Variants in NGF observed in about 807,000 individuals in gnomAD.
NGF encodes the protein beta-nerve growth factor.
Under a neutral mutation model 12.8 loss-of-function variants are expected in NGF, and 4 were observed. The ratio of observed to expected loss-of-function variants is 0.31; its 90% confidence interval spans 0.15 to 0.72. NGF has a LOEUF of 0.72. NGF is among the 30% of genes least tolerant of loss of function. The pLI is 0.69. For synonymous variants in NGF, 140 were observed against 130.0 expected (o/e 1.08, Z -0.52); for missense variants, 283 against 330.8 (o/e 0.86, Z 1.12).
At position 115,286,116 on chromosome 1, in the gene NGF, G is replaced by A. The variant is rs1326012011; in HGVS notation, c.680C>T (p.Thr227Met). The change falls in exon 3 of 3, where the codon ACG becomes ATG. Residue 227 changes from threonine (T) to methionine (M), a missense_variant. Thr to Met is a moderately conservative substitution (Grantham distance 81). Around this residue, in one of 2 missense-constraint regions of NGF, gnomAD observed 132 missense variants for 189.2 expected, o/e 0.70. Coordinates refer to ENST00000369512, the MANE Select transcript of NGF (RefSeq NM_002506.3). ...CCTGCTGAGCACACACACACAGGCC[G>A]TATCTATCCGGATAAACCGCCAGGC... ...QAAWRFIRID[T>M]ACVCVLSRKA... The A allele has an allele frequency of 1.1e-5, 17 of 1,613,424 alleles. No homozygotes were observed. The highest frequency in any genetic ancestry group is 1.4e-5 in the Non-Finnish European group (16 of 1,179,728).
In NGF at chr1:115,286,103, A is replaced by G. The variant is rs1474548348; in HGVS notation, c.693T>C (p.Cys231=). The change falls in exon 3 of 3, where the codon TGT becomes TGC. Residue 231 remains cysteine (C), a synonymous_variant. Coordinates refer to ENST00000369512, the MANE Select transcript of NGF (RefSeq NM_002506.3). ...RFIRIDTACV[C]VLSRKAVRRA ...TTCTCACAGCCTTCCTGCTGAGCAC[A>G]CACACACAGGCCGTATCTATCCGGA... The G allele has an allele frequency of 6.2e-7, 1 of 1,613,786 alleles. No homozygotes were observed. Among genetic ancestry groups the G allele is most frequent in the Non-Finnish European group, 8.5e-7 (1 of 1,179,820 alleles).
chr1:115,334,385 C>T (rs184739076), intron 1 of NGF, among the ~76,000 whole-genome samples: 18 of 152,268 alleles, frequency 1.2e-4, no homozygotes, highest in African/African-American at 4.1e-4. Flanking sequence ...TAACATATGG[C>T]AGAGTAGGAA....
At chr1:115,316,887 A>T (rs1654487866) in intron 1 of NGF, among the ~76,000 whole-genome samples, 1 of 152,204 alleles carries the variant, frequency 6.6e-6, no homozygotes, top group African/African-American at 2.4e-5. Context: ...ATTTTCTCAA[A>T]GAAGTGTGTA....
chr1:115,321,296 A>T lies in NGF; in HGVS notation c.-137+16908T>A, dbSNP rs75398439. Among the ~76,000 whole-genome samples, 46 of 152,302 alleles carry T rather than the reference A, an allele frequency of 3.0e-4. No homozygotes were observed. The East Asian group carries it at 8.9e-3, about 29-fold the overall frequency. On this transcript the variant is annotated intron_variant, in intron 1 of 2. Transcript: ENST00000369512. Reference sequence around the variant, plus strand: ...TCCTGGTATGATGTTGGTGCTTCATAAATAGTTGATGAAAGAATGGAAGGA... The same window carrying T: ...TCCTGGTATGATGTTGGTGCTTCATTAATAGTTGATGAAAGAATGGAAGGA...
intron 1 of NGF, among the ~76,000 whole-genome samples, chr1:115,307,042 G>A (rs1355168452): frequency 5.9e-5 from 9 of 152,192 alleles, no homozygotes; most frequent in Admixed American, 4.6e-4. Flanking sequence ...AGGGAGAAAT[G>A]GCTGTGTCAT....
chr1:115,321,961 TAGACG>T (rs1654643537), intron 1 of NGF, among the ~76,000 whole-genome samples: 1 of 152,226 alleles, frequency 6.6e-6, no homozygotes, highest in African/African-American at 2.4e-5. Context: ...TAGCTTGAGA[TAGACG>T]TGGCCCTTGC....
intron 1 of NGF, among the ~76,000 whole-genome samples, chr1:115,318,324 G>T (rs1197921953): frequency 6.6e-6 from 1 of 152,122 alleles, no homozygotes. Context: ...CCGAGAATTG[G>T]ACAGTGCTTC....
intron 1 of NGF, among the ~76,000 whole-genome samples, chr1:115,305,506 A>G (rs1255291401): frequency 2.0e-5 from 3 of 152,202 alleles, no homozygotes; most frequent in Admixed American, 2.0e-4. Context: ...CATGATATGG[A>G]TAATGTATAG....
chr1:115,295,895 G>A (rs181842052), intron 1 of NGF, among the ~76,000 whole-genome samples: 1 of 152,260 alleles, frequency 6.6e-6, no homozygotes, highest in African/African-American at 2.4e-5. Context: ...AGTGTTAGGT[G>A]CTAGGGACAC....
chr1:115,287,180 CGGT>C (rs1653538478), intron 2 of NGF, among the ~76,000 whole-genome samples: 1 of 152,126 alleles, frequency 6.6e-6, no homozygotes, highest in Non-Finnish European at 1.5e-5. Context: ...CCAGGGAGGC[CGGT>C]GGGGAGAGTT....
chr1:115,303,159 G>C (rs1654092399), intron 1 of NGF, among the ~76,000 whole-genome samples: 1 of 151,968 alleles, frequency 6.6e-6, no homozygotes, highest in Admixed American at 6.5e-5. Context: ...TGTATGTTTT[G>C]CCTGCACTGT....
chr1:115,321,417 T>A (rs1654621347), intron 1 of NGF, among the ~76,000 whole-genome samples: 1 of 152,210 alleles, frequency 6.6e-6, no homozygotes, highest in Non-Finnish European at 1.5e-5. Context: ...TTTTTTTCCT[T>A]CTTTTTTTGC....
intron 2 of NGF, among the ~76,000 whole-genome samples, chr1:115,291,989 T>C (rs1653715873): frequency 6.6e-6 from 1 of 152,176 alleles, no homozygotes; most frequent in Non-Finnish European, 1.5e-5. Context: ...GAGGAAATTC[T>C]TGTGGCCAAG....
chr1:115,304,329 A>ATTTTTTTTTTTTTTTTTTTTTT lies in NGF; in HGVS notation c.-136-10580_-136-10579insAAAAAAAAAAAAAAAAAAAAAA, dbSNP rs58345237. Among the ~76,000 whole-genome samples, 13 of 80,824 alleles carry ATTTTTTTTTTTTTTTTTTTTTT rather than the reference A, an allele frequency of 1.6e-4. 2 individuals carry two copies. Among genetic ancestry groups the ATTTTTTTTTTTTTTTTTTTTTT allele is most frequent in the Non-Finnish European group, 2.8e-4 (11 of 39,590 alleles). 53.0% of individuals were successfully genotyped at this position (80,824 alleles called of 152,430 possible). ...AGGAGCGCACCACCATGCTTGGCTAATTTTTTTTTTTTTTTTGTATTTTTA... is the reference window on the plus strand; with the variant it reads ...AGGAGCGCACCACCATGCTTGGCTAATTTTTTTTTTTTTTTTTTTTTTTTTTTTTTTTTTTTTTGTATTTTTA... On this transcript the variant is annotated intron_variant, in intron 1 of 2. Coordinates refer to ENST00000369512, the MANE Select transcript of NGF (RefSeq NM_002506.3).
At chr1:115,298,905 G>A (rs1290791363) in intron 1 of NGF, among the ~76,000 whole-genome samples, 1 of 152,070 alleles carries the variant, frequency 6.6e-6, no homozygotes, top group African/African-American at 2.4e-5. Context: ...AATAAGAATA[G>A]TTGTTGGTGT....
intron 1 of NGF, among the ~76,000 whole-genome samples, chr1:115,295,561 T>C (rs1366896505): frequency 2.0e-5 from 3 of 152,144 alleles, no homozygotes; most frequent in African/African-American, 7.2e-5. Context: ...ACCCTTCATC[T>C]GGGTGTTTGG....
At chr1:115,300,922 G>T (rs779341314) in intron 1 of NGF, among the ~76,000 whole-genome samples, 1 of 152,180 alleles carries the variant, frequency 6.6e-6, no homozygotes, top group Non-Finnish European at 1.5e-5. Context: ...TGCCATCAGG[G>T]TGGTTAACTC....
intron 2 of NGF, among the ~76,000 whole-genome samples, chr1:115,287,554 A>G (rs941425349): frequency 2.0e-5 from 3 of 152,190 alleles, no homozygotes; most frequent in South Asian, 2.1e-4. Flanking sequence ...TGTGAGTTCA[A>G]TTAGGATTTA....
chr1:115,309,385 G>A (rs1020354233), intron 1 of NGF, among the ~76,000 whole-genome samples: 5 of 152,076 alleles, frequency 3.3e-5, no homozygotes, highest in East Asian at 1.9e-4. Flanking sequence ...TCTTTATACC[G>A]TTCTATATTT....
Sources: gnomAD v4.1 joint callset for allele counts (sites outside exome capture counted in the v4.1 genomes callset) on GRCh38, gnomAD v4.1.1 for gene constraint, gnomAD v4.1.1 regional missense constraint, MANE v1.5 for transcripts, NCBI Gene and HGNC (gene_info 2026-07-23, HGNC 2026-07-21) for gene names.